Variants in CNBD1 observed in about 807,000 individuals in gnomAD.
CNBD1 encodes the protein cyclic nucleotide-binding domain-containing protein 1.
CNBD1 carries 71 observed loss-of-function variants against 54.4 expected under a neutral mutation model. The observed-to-expected ratio is 1.30, with a 90% CI of 1.08 to 1.59. The LOEUF (loss-of-function observed/expected upper bound fraction) is 1.59, where lower values mean the gene tolerates loss of function less well. Among genes scored for constraint, CNBD1 ranks in the 40% most tolerant of loss-of-function variants. The pLI is 0.00. For synonymous variants in CNBD1, 182 were observed against 170.7 expected, an observed-to-expected ratio of 1.07 and a Z score of -0.51; for missense variants, 659 against 518.0, an observed-to-expected ratio of 1.27 and a Z score of -2.64.
chr8:87,320,484 A>G (rs1408491096), intron 8 of CNBD1, among the ~76,000 whole-genome samples: 2 of 152,130 alleles, frequency 1.3e-5, no homozygotes. Context: ...GGAGTTTCTG[A>G]CAGAGGCAAA....
At position 87,364,771 on chromosome 8, in the gene CNBD1, A is replaced by C. The variant is rs1189529180; in HGVS notation, c.1303+10985A>C. 2.0e-5 allele frequency among the ~76,000 whole-genome samples: 3 copies of C among 151,980 alleles called. No individual in the cohort carries two copies. In the East Asian group the frequency reaches 5.8e-4, roughly 29 times the overall value. On this transcript the variant is annotated intron_variant, in intron 10 of 10. Transcript: ENST00000518476. ...TGGTTTTCTGTTCCTGCATTAATTT[A>C]TAAGGATAATGTCCCCCAGTTCCAT... is the stretch of plus-strand genomic sequence containing the variant.
At chr8:87,254,635 C>T (rs1807976550) in intron 6 of CNBD1, among the ~76,000 whole-genome samples, 1 of 152,022 alleles carries the variant, frequency 6.6e-6, no homozygotes, top group Non-Finnish European at 1.5e-5. Flanking sequence ...TAATTTGGAA[C>T]CCTCATTCAT....
At chr8:87,158,852 ATTTT>A (rs1812798078) in intron 4 of CNBD1, among the ~76,000 whole-genome samples, 1 of 152,186 alleles carries the variant, frequency 6.6e-6, no homozygotes, top group Non-Finnish European at 1.5e-5. Context: ...AAACAGAACC[ATTTT>A]TAATGCACAC....
At chr8:87,233,700 G>T (rs1251961786) in intron 5 of CNBD1, among the ~76,000 whole-genome samples, 1 of 151,954 alleles carries the variant, frequency 6.6e-6, no homozygotes, top group Non-Finnish European at 1.5e-5. Context: ...GAACTCCGGG[G>T]CTCAAGTGAT....
intron 2 of CNBD1, among the ~76,000 whole-genome samples, chr8:87,422,332 G>T (rs1365525832): frequency 1.4e-5 from 2 of 147,140 alleles, no homozygotes; most frequent in African/African-American, 2.6e-5. Context: ...TGGTGTTTTA[G>T]ACATGAAGTC....
At chr8:87,348,219 C>A (rs1035002026) in intron 8 of CNBD1, among the ~76,000 whole-genome samples, 6 of 152,078 alleles carry the variant, frequency 3.9e-5, no homozygotes, top group African/African-American at 1.4e-4. Flanking sequence ...CTCAGATGCA[C>A]TTATCTTTAA....
intron 6 of CNBD1, among the ~76,000 whole-genome samples, chr8:87,251,544 C>T (rs907330136): frequency 1.1e-4 from 16 of 150,556 alleles, no homozygotes; most frequent in African/African-American, 3.4e-4. Context: ...GCCAAGATTG[C>T]GCCATTGCAC....
chr8:87,214,789 C>A (rs1034389109), intron 5 of CNBD1, among the ~76,000 whole-genome samples: 19 of 152,098 alleles, frequency 1.2e-4, no homozygotes, highest in African/African-American at 4.3e-4. Context: ...AAAATGGAAA[C>A]CCCTTCTAAA....
intron 4 of CNBD1, among the ~76,000 whole-genome samples, chr8:87,127,928 C>T (rs1229921640): frequency 2.6e-5 from 4 of 152,008 alleles, no homozygotes; most frequent in Non-Finnish European, 4.4e-5. Flanking sequence ...CTGCCATGCC[C>T]GCCTATCCTG....
chr8:87,077,992 G>A (rs1193179703), intron 4 of CNBD1, among the ~76,000 whole-genome samples: 1 of 152,046 alleles, frequency 6.6e-6, no homozygotes, highest in African/African-American at 2.4e-5. Flanking sequence ...CATTCATAGG[G>A]GCTTCAACTT....
intron 6 of CNBD1, among the ~76,000 whole-genome samples, chr8:87,251,499 A>G (rs1385339025): frequency 2.0e-5 from 3 of 151,924 alleles, no homozygotes; most frequent in Non-Finnish European, 4.4e-5. Context: ...GAGGCAGGAG[A>G]ATCACTTGAA....
At chr8:86,912,280 G>A (rs1447872083) in intron 3 of CNBD1, among the ~76,000 whole-genome samples, 1 of 152,058 alleles carries the variant, frequency 6.6e-6, no homozygotes, top group Non-Finnish European at 1.5e-5. Context: ...ATCAATGAGG[G>A]GTACATTTTT....
chr8:87,105,618 A>G (rs17623943), intron 4 of CNBD1, among the ~76,000 whole-genome samples: 31,392 of 152,100 alleles, frequency 0.21, 3,918 homozygotes, highest in Admixed American at 0.28. Context: ...TCTCAGTCTG[A>G]AGATGGTATT....
chr8:87,186,988 C>A lies in CNBD1; in HGVS notation c.432-19005C>A, dbSNP rs1050994280. The stretch of plus-strand genomic sequence containing the variant: ...ATTAATTATCATTGATTTGATAAAT[C>A]AATTCTTCAAGTATCAATTTTTCCT... On this transcript the variant is annotated intron_variant, in intron 4 of 10. Coordinates refer to ENST00000518476, the MANE Select transcript of CNBD1 (RefSeq NM_173538.3). Among the ~76,000 whole-genome samples, 7 of 152,146 alleles carry A rather than the reference C, an allele frequency of 4.6e-5. No homozygotes were observed. In the South Asian group the frequency reaches 8.3e-4, roughly 18 times the overall value.
At chr8:87,152,591 T>C (rs1812628113) in intron 4 of CNBD1, among the ~76,000 whole-genome samples, 1 of 152,096 alleles carries the variant, frequency 6.6e-6, no homozygotes, top group Non-Finnish European at 1.5e-5. Context: ...CTTATATTCC[T>C]GAGTGAGAGG....
rs141040388 is a variant in CNBD1, at chr8:87,154,196, C to T, written c.432-51797C>T. On this transcript the variant is annotated intron_variant, in intron 4 of 10. Transcript: ENST00000518476. Reference sequence around the variant, plus strand: ...ACGATTTTTTAACCTATCGCATCTCCAATTTGGTGTAATAGAAAGTGAAAT... The same window carrying T: ...ACGATTTTTTAACCTATCGCATCTCTAATTTGGTGTAATAGAAAGTGAAAT... Among the ~76,000 whole-genome samples, 565 of 152,126 alleles carry T rather than the reference C, an allele frequency of 3.7e-3. 6 individuals are homozygous for T. The highest frequency in any genetic ancestry group is 0.027 in the Middle Eastern group (8 of 294).
intron 1 of CNBD1, among the ~76,000 whole-genome samples, chr8:86,870,621 T>G (rs1159049349): frequency 6.6e-6 from 1 of 152,180 alleles, no homozygotes; most frequent in Non-Finnish European, 1.5e-5. Flanking sequence ...TTTCTATAAT[T>G]TGAGAGTTTT....
chr8:87,109,611 T>G (rs966680483), intron 4 of CNBD1, among the ~76,000 whole-genome samples: 4 of 150,076 alleles, frequency 2.7e-5, no homozygotes, highest in Non-Finnish European at 5.9e-5. Context: ...TGATCTTGGC[T>G]CACTGCAAGC....
intron 3 of CNBD1, among the ~76,000 whole-genome samples, chr8:86,913,707 T>G (rs1809139677): frequency 6.6e-6 from 1 of 152,130 alleles, no homozygotes; most frequent in Admixed American, 6.5e-5. Flanking sequence ...GCATCACTAA[T>G]GAAGTAGACT....
Sources: gnomAD v4.1 joint callset for allele counts (sites outside exome capture counted in the v4.1 genomes callset) on GRCh38, gnomAD v4.1.1 for gene constraint, MANE v1.5 for transcripts, NCBI Gene and HGNC (gene_info 2026-07-23, HGNC 2026-07-21) for gene names.